GULP1: variants seen among roughly 807,000 people sequenced by gnomAD.
The protein encoded by GULP1 is GULP PTB domain containing engulfment adaptor 1, also known as PTB domain-containing engulfment adapter protein 1.
Under a neutral mutation model 40.9 loss-of-function variants are expected in GULP1, and 19 were observed. The observed-to-expected ratio is 0.46, with a 90% CI of 0.32 to 0.68. The LOEUF is 0.68. Ranked by LOEUF, GULP1 falls within the 30% of genes least tolerant of loss-of-function variation. The pLI is 0.03. For synonymous variants in GULP1, 119 were observed against 117.6 expected, an observed-to-expected ratio of 1.01 and a Z score of -0.08; for missense variants, 312 against 362.2, an observed-to-expected ratio of 0.86 and a Z score of 1.12.
At chr2:188,405,517 C>A (rs2052951642) in intron 2 of GULP1, among the ~76,000 whole-genome samples, 1 of 152,184 alleles carries the variant, frequency 6.6e-6, no homozygotes, top group Non-Finnish European at 1.5e-5. Context: ...GCCTGGCTGG[C>A]CCCTGTCAGT....
intron 4 of GULP1, among the ~76,000 whole-genome samples, chr2:188,520,310 G>A (rs933406117): frequency 6.6e-6 from 1 of 151,812 alleles, no homozygotes; most frequent in African/African-American, 2.4e-5. Context: ...GGCTGAGGTG[G>A]GTGGATCACG....
chr2:188,361,119 T>C (rs1338213536), intron 1 of GULP1, among the ~76,000 whole-genome samples: 1 of 152,154 alleles, frequency 6.6e-6, no homozygotes, highest in African/African-American at 2.4e-5. Flanking sequence ...GTGCAGCATG[T>C]AAAATACGTT....
intron 10 of GULP1, among the ~76,000 whole-genome samples, chr2:188,585,218 T>C (rs1277890845): frequency 3.9e-5 from 6 of 152,202 alleles, no homozygotes; most frequent in Non-Finnish European, 4.4e-5. Context: ...TCCACCTCTG[T>C]GGCTCTGCAG....
chr2:188,589,914 GA>G (rs1200045606), intron 11 of GULP1: 4 of 397,280 alleles, frequency 1.0e-5, no homozygotes, highest in African/African-American at 8.4e-5. Flanking sequence ...CACATTTTAA[GA>G]TTATTTTTCA....
At chr2:188,428,616 T>C (rs2056496789) in intron 2 of GULP1, among the ~76,000 whole-genome samples, 1 of 152,186 alleles carries the variant, frequency 6.6e-6, no homozygotes, top group Non-Finnish European at 1.5e-5. Flanking sequence ...TTTGGACATG[T>C]AAAGTGCAGG....
intron 2 of GULP1, among the ~76,000 whole-genome samples, chr2:188,462,465 T>A (rs1331657755): frequency 2.6e-5 from 4 of 152,168 alleles, no homozygotes; most frequent in Non-Finnish European, 5.9e-5. Context: ...AGATTAAATT[T>A]GAATTTTCTT....
chr2:188,363,012 G>A (rs2046301281), intron 1 of GULP1, among the ~76,000 whole-genome samples: 2 of 152,054 alleles, frequency 1.3e-5, no homozygotes, highest in Non-Finnish European at 2.9e-5. Context: ...GGTAGATGAA[G>A]TAGCTAAGTG....
intron 2 of GULP1, among the ~76,000 whole-genome samples, chr2:188,448,048 A>T (rs2058538581): frequency 6.6e-6 from 1 of 152,222 alleles, no homozygotes; most frequent in Admixed American, 6.5e-5. Flanking sequence ...CAGAACCCAT[A>T]GTCTGTGCCA....
intron 2 of GULP1, among the ~76,000 whole-genome samples, chr2:188,402,312 C>T (rs1264189432): frequency 2.6e-5 from 4 of 152,048 alleles, no homozygotes; most frequent in Non-Finnish European, 5.9e-5. Context: ...TTTGCTTTGA[C>T]TCCTCAATAA....
intron 11 of GULP1, chr2:188,592,909 T>C (rs1353949296): frequency 6.6e-6 from 1 of 152,130 alleles, no homozygotes; most frequent in Non-Finnish European, 1.5e-5. Context: ...TTGTTTTCTT[T>C]AGGAATACAC....
intron 2 of GULP1, among the ~76,000 whole-genome samples, chr2:188,413,793 T>G (rs548878583): frequency 6.6e-6 from 1 of 152,290 alleles, no homozygotes; most frequent in South Asian, 2.1e-4. Flanking sequence ...GTTGGTTATT[T>G]ATTGAGAGAG....
intron 7 of GULP1, among the ~76,000 whole-genome samples, chr2:188,567,393 A>G (rs999713006): frequency 1.3e-5 from 2 of 152,222 alleles, no homozygotes; most frequent in Admixed American, 6.5e-5. Context: ...AATGCCCATC[A>G]ATGATAGATT....
chr2:188,406,396 A>G (rs1359152291), intron 2 of GULP1, among the ~76,000 whole-genome samples: 2 of 152,214 alleles, frequency 1.3e-5, no homozygotes, highest in Non-Finnish European at 2.9e-5. Context: ...CAAAATTTTG[A>G]TATGCAACAC....
intron 7 of GULP1, among the ~76,000 whole-genome samples, chr2:188,565,504 C>A (rs556900320): frequency 1.1e-4 from 16 of 151,986 alleles, no homozygotes; most frequent in African/African-American, 3.9e-4. Flanking sequence ...ATCACTCATC[C>A]AATATATTGT....
intron 5 of GULP1, among the ~76,000 whole-genome samples, chr2:188,525,268 G>A (rs962019862): frequency 6.6e-6 from 1 of 152,042 alleles, no homozygotes; most frequent in African/African-American, 2.4e-5. Flanking sequence ...GCACACACCT[G>A]TAATCCCAGC....
intron 9 of GULP1, among the ~76,000 whole-genome samples, chr2:188,583,113 A>T (rs1361020798): frequency 6.6e-6 from 1 of 152,112 alleles, no homozygotes; most frequent in African/African-American, 2.4e-5. Context: ...GGATACAGGA[A>T]TGGGATAATT....
chr2:188,468,500 T>C (rs905691132), intron 2 of GULP1, among the ~76,000 whole-genome samples: 7 of 152,198 alleles, frequency 4.6e-5, no homozygotes, highest in African/African-American at 1.4e-4. Flanking sequence ...ATATTAACTA[T>C]AGATATGTAC....
chr2:188,378,756 A>G (rs1377775941), intron 1 of GULP1, among the ~76,000 whole-genome samples: 1 of 152,164 alleles, frequency 6.6e-6, no homozygotes, highest in African/African-American at 2.4e-5. Flanking sequence ...CAAGCCATTC[A>G]TGAGGGATCT....
At chr2:188,584,749 T>G (rs1702012887) in intron 10 of GULP1, among the ~76,000 whole-genome samples, 1 of 152,032 alleles carries the variant, frequency 6.6e-6, no homozygotes, top group Admixed American at 6.6e-5. Context: ...GATCATTTTT[T>G]ACATGTTTAA....
Sources: allele counts gnomAD v4.1 joint callset (sites outside exome capture counted in the v4.1 genomes callset), GRCh38; gene constraint gnomAD v4.1.1; transcripts MANE v1.5; gene names NCBI Gene and HGNC (gene_info 2026-07-23, HGNC 2026-07-21).